The following ADCY7 variants were observed in gnomAD, a reference collection of about 807,000 sequenced individuals.
ADCY7 encodes the protein adenylate cyclase 7.
In ADCY7, 72 loss-of-function variants were observed where a neutral mutation model predicts 120.6. That is an observed-to-expected ratio of 0.60 (90% CI 0.49 to 0.73). The LOEUF is 0.73. Among genes scored for constraint, ADCY7 ranks in the 30% least tolerant of loss-of-function variants. The probability of loss-of-function intolerance (pLI) is 0.00; values close to 1 mark genes in which losing one functional copy is unlikely to be tolerated. For synonymous variants in ADCY7, 661 were observed against 628.0 expected (o/e 1.05, Z -0.78); for missense variants, 1,227 against 1,486.0 (o/e 0.83, Z 2.87).
chr16:50,313,720 C>T (rs2036617372), intron 22 of ADCY7: 1 of 536,796 alleles, frequency 1.9e-6, no homozygotes, highest in Non-Finnish European at 3.3e-6. Context: ...TGTGCAGACA[C>T]AGATGGAAGG....
chr16:50,275,145 A>C (rs2150861635), intron 1 of ADCY7, among the ~76,000 whole-genome samples: 1 of 152,210 alleles, frequency 6.6e-6, no homozygotes, highest in Middle Eastern at 3.4e-3. Flanking sequence ...TGCTGTTGAG[A>C]CCGTGAGCAC....
At chr16:50,268,429 C>G (rs543227021) in intron 1 of ADCY7, among the ~76,000 whole-genome samples, 1 of 152,170 alleles carries the variant, frequency 6.6e-6, no homozygotes, top group Non-Finnish European at 1.5e-5. Flanking sequence ...AAGACAGGAT[C>G]TCACTCTGTC....
intron 1 of ADCY7, among the ~76,000 whole-genome samples, chr16:50,259,372 C>T (rs530618365): frequency 5.9e-5 from 9 of 152,198 alleles, no homozygotes; most frequent in African/African-American, 1.4e-4. Context: ...CACACTGGGC[C>T]GGGTGCAGGG....
In ADCY7 at chr16:50,316,483, T is replaced by A. The variant is rs1296409451; in HGVS notation, c.*978T>A. 6.6e-6 allele frequency: 1 copy of A among 152,386 alleles called. No homozygotes were observed. The highest frequency in any genetic ancestry group is 6.5e-5 in the Admixed American group (1 of 15,280). 9.4% of individuals were successfully genotyped at this position (152,386 alleles called of 1,614,324 possible). ...TTACCAGAAAGGAATGGAGTCTGTT[T>A]AGAGACAACTTGGACAACCTGTGAG... On this transcript the variant is annotated 3_prime_UTR_variant, in exon 26 of 26. Coordinates refer to ENST00000673801, the MANE Select transcript of ADCY7 (RefSeq NM_001114.5).
Position 50,315,139 on chromosome 16 carries a change from G to A in ADCY7, c.3096+1G>A, listed in dbSNP as rs766842991. Reference sequence around the variant, plus strand: ...CACTGGAGAACTTGGGAAAATCCAGGTAAAGACCTATTGGGGAAGCAGTTG... The same window carrying A: ...CACTGGAGAACTTGGGAAAATCCAGATAAAGACCTATTGGGGAAGCAGTTG... On this transcript the variant is annotated splice_donor_variant, in intron 25 of 25. Transcript: ENST00000673801. LOFTEE classifies it high-confidence loss of function. 6.8e-6 allele frequency: 11 copies of A among 1,614,090 alleles called. No homozygotes were observed. Among genetic ancestry groups the A allele is most frequent in the Non-Finnish European group, 9.3e-6 (11 of 1,179,966 alleles).
At chr16:50,246,122 C>A (rs2032576148), upstream of ADCY7, 1 of 149,822 alleles carries the variant, frequency 6.7e-6, no homozygotes, top group South Asian at 2.1e-4. Flanking sequence ...GCTCCTCCTT[C>A]CCCGCCCGCG....
chr16:50,294,635 C>T lies in ADCY7; in HGVS notation c.837-5C>T. On this transcript the variant is annotated splice_polypyrimidine_tract_variant and splice_region_variant and intron_variant, in intron 6 of 25. Coordinates refer to ENST00000673801, the MANE Select transcript of ADCY7 (RefSeq NM_001114.5). ...ACACTCCCTCCCACCCTGCCCCATCCCCAGCATCCTCTATGCGGACATCGT... is the reference window on the plus strand; with the variant it reads ...ACACTCCCTCCCACCCTGCCCCATCTCCAGCATCCTCTATGCGGACATCGT... The T allele has an allele frequency of 6.3e-7, 1 of 1,583,708 alleles. No homozygotes were observed. Among genetic ancestry groups the T allele is most frequent in the South Asian group, 1.1e-5 (1 of 88,760 alleles).
At chr16:50,300,595 C>A in intron 8 of ADCY7, 120 bp from the exon 9 acceptor site, 1 of 1,214,902 alleles carries the variant, frequency 8.2e-7, no homozygotes, top group Non-Finnish European at 1.1e-6. Context: ...AACATTCTCT[C>A]CCGTGGGCTG....
Position 50,288,210 on chromosome 16 carries a change from G to T in ADCY7, c.31G>T (p.Glu11Ter). The T allele has an allele frequency of 6.4e-7, 1 of 1,551,044 alleles. No individual in the cohort carries two copies. The highest frequency in any genetic ancestry group is 8.7e-7 in the Non-Finnish European group (1 of 1,146,810). The change falls in exon 2 of 26, where the codon GAG becomes TAG. Residue 11 changes from glutamate (E) to a stop codon, truncating the protein, a stop_gained. Coordinates refer to ENST00000673801, the MANE Select transcript of ADCY7 (RefSeq NM_001114.5). LOFTEE classifies it high-confidence loss of function. The stretch of plus-strand genomic sequence containing the variant: ...AGCCAAGGGGCGCTACTTCCTCAAC[G>T]AGGGCGAGGAGGGCCCTGACCAAGA... Reference protein sequence around the residue: MPAKGRYFLNEGEEGPDQDAL... With the variant: MPAKGRYFLN
chr16:50,255,122 CA>C (rs34287607), intron 1 of ADCY7, among the ~76,000 whole-genome samples: 6 of 103,392 alleles, frequency 5.8e-5, no homozygotes, highest in African/African-American at 2.4e-4. Context: ...CTTGTCTCTA[CA>C]AAAAAAAAAA....
rs754004745 is a variant in ADCY7, at chr16:50,307,124, C to G, written c.1827C>G (p.Leu609=). Residue 609 remains leucine (L), a synonymous_variant, in exon 15 of 26, where the codon CTC becomes CTG. Transcript: ENST00000673801. ...CASLIFVCIL[L]VHVLLMPRTA... is the part of the protein sequence containing the mutation. Reference sequence around the variant, plus strand: ...GCCTGATCTTCGTCTGCATCCTGCTCGTCCATGTCCTGCTCATGCCCAGGT... The same window carrying G: ...GCCTGATCTTCGTCTGCATCCTGCTGGTCCATGTCCTGCTCATGCCCAGGT... 2 of 1,611,984 alleles carry G rather than the reference C, an allele frequency of 1.2e-6. No homozygotes were observed.
At chr16:50,311,887 GA>G in intron 20 of ADCY7, 101 bp downstream of exon 20, 1 of 1,443,330 alleles carries the variant, frequency 6.9e-7, no homozygotes, top group African/African-American at 1.4e-5. Flanking sequence ...TGGAGTAGCA[GA>G]AAAGACTAGA....
chr16:50,277,113 C>G (rs1402138917), intron 1 of ADCY7, among the ~76,000 whole-genome samples: 2 of 152,166 alleles, frequency 1.3e-5, no homozygotes, highest in African/African-American at 4.8e-5. Context: ...TCACAGGATA[C>G]CCTGTGACGT....
intron 18 of ADCY7, 49 bp downstream of exon 18, chr16:50,309,695 T>G: frequency 1.3e-6 from 2 of 1,524,660 alleles, no homozygotes; most frequent in Non-Finnish European, 1.8e-6. Context: ...GTGGGGCTGC[T>G]GCTGCCAGAG....
intron 6 of ADCY7, among the ~76,000 whole-genome samples, chr16:50,294,308 T>C (rs2035197835): frequency 1.3e-5 from 2 of 152,158 alleles, no homozygotes; most frequent in African/African-American, 2.4e-5. Context: ...AAGTCTGTGC[T>C]GTGGTGAACA....
chr16:50,277,198 C>G (rs1348651487), intron 1 of ADCY7, among the ~76,000 whole-genome samples: 2 of 152,200 alleles, frequency 1.3e-5, no homozygotes, highest in Non-Finnish European at 2.9e-5. Flanking sequence ...ATTTATTTCA[C>G]CAGTTCGTGA....
At position 50,315,501 on chromosome 16, in the gene ADCY7, A is replaced by C; in HGVS notation, c.3239A>C (p.Asn1080Thr). Residue 1080 changes from asparagine to threonine, a missense_variant, in exon 26 of 26, where the codon AAC becomes ACC. By Grantham distance (65) the Asn-to-Thr change is moderately conservative. Around this residue, in one of 5 missense-constraint regions of ADCY7, gnomAD observed 244 missense variants for 332.8 expected, o/e 0.73. Coordinates refer to ENST00000673801, the MANE Select transcript of ADCY7 (RefSeq NM_001114.5). ...DTAKFQGLGL[N>T] ...GCCAAGTTTCAGGGGCTGGGGCTGA[A>C]CTGAGGGCTCCTGCTGGATTCCGAA... is the stretch of plus-strand genomic sequence containing the variant. The C allele has an allele frequency of 1.2e-6, 2 of 1,610,094 alleles. 1 individual carries two copies. The highest frequency in any genetic ancestry group is 2.2e-5 in the South Asian group (2 of 91,018).
At chr16:50,288,848 A>T (rs1287572780) in intron 2 of ADCY7, among the ~76,000 whole-genome samples, 2 of 152,112 alleles carry the variant, frequency 1.3e-5, no homozygotes, top group Non-Finnish European at 2.9e-5. Context: ...ATTTTTTTTG[A>T]GACTGGGCCT....
chr16:50,252,203 G>A (rs1459018953), intron 1 of ADCY7, among the ~76,000 whole-genome samples: 3 of 152,200 alleles, frequency 2.0e-5, no homozygotes, highest in Non-Finnish European at 4.4e-5. Context: ...TTCTTCCTAT[G>A]TGAGATGGGG....
Sources: gnomAD v4.1 joint callset for allele counts (sites outside exome capture counted in the v4.1 genomes callset) on GRCh38, gnomAD v4.1.1 for gene constraint, gnomAD v4.1.1 regional missense constraint, MANE v1.5 for transcripts, NCBI Gene and HGNC (gene_info 2026-07-23, HGNC 2026-07-21) for gene names.